Variants in SCN1A observed in about 807,000 individuals in gnomAD.
SCN1A encodes the protein sodium voltage-gated channel alpha subunit 1.
In SCN1A, 13 loss-of-function variants were observed where a neutral mutation model predicts 193.7. The observed-to-expected ratio is 0.07, with a 90% CI of 0.04 to 0.11. SCN1A has a LOEUF of 0.11. Among genes scored for constraint, SCN1A ranks in the 10% least tolerant of loss-of-function variants. The pLI, the probability that SCN1A is intolerant of heterozygous loss-of-function variation, is 1.00. For missense variants in SCN1A, 1,432 were observed against 2,451.1 expected (o/e 0.58, Z 8.78); for synonymous variants, 781 against 843.6 (o/e 0.93, Z 1.29).
chr2:166,136,743 TAG>T (rs1345376713), intron 1 of SCN1A, among the ~76,000 whole-genome samples: 1 of 152,142 alleles, frequency 6.6e-6, no homozygotes, highest in Non-Finnish European at 1.5e-5. Flanking sequence ...GAACTAGCAA[TAG>T]AGAGAGCCAA....
upstream of SCN1A, among the ~76,000 whole-genome samples, chr2:166,128,859 G>A (rs1282370643): frequency 6.6e-6 from 1 of 151,990 alleles, no homozygotes; most frequent in African/African-American, 2.4e-5. Flanking sequence ...AAAAATCCAT[G>A]CCAAACTAAT....
At chr2:166,014,213 T>C (rs1351473161) in intron 20 of SCN1A, among the ~76,000 whole-genome samples, 1 of 151,680 alleles carries the variant, frequency 6.6e-6, no homozygotes, top group African/African-American at 2.4e-5. Context: ...TTGCACTCTG[T>C]TGAAGTCACT....
chr2:166,117,724 C>T (rs1228274304), intron 2 of SCN1A, among the ~76,000 whole-genome samples: 1 of 152,108 alleles, frequency 6.6e-6, no homozygotes, highest in Admixed American at 6.5e-5. Flanking sequence ...TGGCCGGGCA[C>T]GGAGGTTCAT....
intron 2 of SCN1A, among the ~76,000 whole-genome samples, chr2:166,079,270 C>T (rs964547773): frequency 2.7e-5 from 4 of 150,898 alleles, no homozygotes; most frequent in South Asian, 2.1e-4. Context: ...AATTCCAATG[C>T]GGTATTGTTT....
Position 165,991,325 on chromosome 2 carries a change from G to T in SCN1A, c.5950C>A (p.Pro1984Thr). The change falls in exon 29 of 29, where the codon CCT (proline) becomes ACT (threonine). Residue 1984 changes from proline (P) to threonine (T), a missense_variant. Physicochemically the swap from Pro to Thr is conservative, Grantham distance 38 (BLOSUM62 -1). Around this residue, in one of 18 missense-constraint regions of SCN1A, gnomAD observed 148 missense variants for 160.3 expected, o/e 0.92. Transcript: ENST00000674923. ...DLTMSTAACP[P>T]SYDRVTKPIV... ...GGCTTTGTCACCCGGTCATAGGAAG[G>T]TGGACAAGCTGCAGTGGACATGGTC... 6.2e-7 allele frequency: 1 copy of T among 1,613,462 alleles called. No homozygotes were observed. Among genetic ancestry groups the T allele is most frequent in the Non-Finnish European group, 8.5e-7 (1 of 1,179,794 alleles).
upstream of SCN1A, among the ~76,000 whole-genome samples, chr2:166,132,272 C>A (rs1456769480): frequency 2.6e-5 from 4 of 152,064 alleles, no homozygotes; most frequent in Admixed American, 2.0e-4. Context: ...TGACTTTGCC[C>A]CCTTTTGATT....
intron 25 of SCN1A, among the ~76,000 whole-genome samples, chr2:165,999,516 T>C (rs1423592916): frequency 6.6e-6 from 1 of 151,700 alleles, no homozygotes; most frequent in Non-Finnish European, 1.5e-5. Context: ...TTTGTTACTT[T>C]GGTTTTCAAA....
chr2:166,018,394 TTA>T (rs1357350761), intron 19 of SCN1A, among the ~76,000 whole-genome samples: 2 of 152,024 alleles, frequency 1.3e-5, no homozygotes, highest in Non-Finnish European at 2.9e-5. Context: ...CCAAAAGACC[TTA>T]TGTTACTTTT....
intron 1 of SCN1A, among the ~76,000 whole-genome samples, chr2:166,134,116 C>G (rs1055085839): frequency 8.5e-5 from 13 of 152,110 alleles, no homozygotes; most frequent in African/African-American, 2.7e-4. Flanking sequence ...TTACATAAAT[C>G]ATTACCATTG....
chr2:166,106,004 G>A (rs1387195514), intron 2 of SCN1A, among the ~76,000 whole-genome samples: 3 of 152,214 alleles, frequency 2.0e-5, no homozygotes, highest in Admixed American at 1.3e-4. Flanking sequence ...TGGCTAACAC[G>A]GTGAAAACCC....
At chr2:166,016,794 A>C (rs1007355512) in intron 19 of SCN1A, 8 of 151,882 alleles carry the variant, frequency 5.3e-5, no homozygotes, top group African/African-American at 1.7e-4. Context: ...TCTAAACTTC[A>C]GGCTTATGTA....
At chr2:166,113,577 C>T (rs905050419) in intron 2 of SCN1A, among the ~76,000 whole-genome samples, 3 of 81,224 alleles carry the variant, frequency 3.7e-5, no homozygotes, top group Non-Finnish European at 8.5e-5. Flanking sequence ...TATAAAATAA[C>T]AGGTGTGCTA....
chr2:165,996,090 C>T lies in SCN1A; in HGVS notation c.4504G>A (p.Glu1502Lys). 6.2e-7 allele frequency: 1 copy of T among 1,608,046 alleles called. No individual in the cohort carries two copies. Among genetic ancestry groups the T allele is most frequent in the Non-Finnish European group, 8.5e-7 (1 of 1,176,096 alleles). ...KFGGQDIFMTEEQKKYYNAMK... is the reference protein window; with the variant it reads ...KFGGQDIFMTKEQKKYYNAMK... Reference sequence around the variant, plus strand: ...GCATTATAGTATTTCTTCTGTTCTTCTGTCATAAAGATGTCTTGACCTCCA... The same window carrying T: ...GCATTATAGTATTTCTTCTGTTCTTTTGTCATAAAGATGTCTTGACCTCCA... Residue 1502 changes from glutamate (E) to lysine (K), a missense_variant, in exon 27 of 29, where the codon GAA becomes AAA. Physicochemically the swap from Glu to Lys is moderately conservative, Grantham distance 56. This residue lies in a region of SCN1A where 85 missense variants were observed against 119.1 expected (regional missense o/e 0.71). Coordinates refer to ENST00000674923, the MANE Select transcript of SCN1A (RefSeq NM_001165963.4).
In SCN1A at chr2:165,999,663, C is replaced by A. The variant is rs1023808753; in HGVS notation, c.4338+60G>T. The A allele has an allele frequency of 7.5e-6, 9 of 1,193,146 alleles. No homozygotes were observed. In the East Asian group the frequency reaches 2.1e-4, roughly 28 times the overall value. 73.9% of individuals were successfully genotyped at this position (1,193,146 alleles called of 1,614,324 possible). On this transcript the variant is annotated intron_variant, in intron 25 of 28. Transcript: ENST00000674923. Reference sequence around the variant, plus strand: ...TTCATTTGGTCGTTTATGCTTTATTCGATTAATTTTACCACCTGATCAATA... The same window carrying A: ...TTCATTTGGTCGTTTATGCTTTATTAGATTAATTTTACCACCTGATCAATA...
At position 166,044,625 on chromosome 2, in the gene SCN1A, G is replaced by A. The variant is rs185724489; in HGVS notation, c.1662+418C>T. The stretch of plus-strand genomic sequence containing the variant: ...TGTACCATGACTAATATTTTCAGAA[G>A]CATGCATGGTGACTTATAAAGAAGT... On this transcript the variant is annotated intron_variant, in intron 13 of 28. Transcript: ENST00000674923. Among the ~76,000 whole-genome samples, 277 of 152,144 alleles carry A rather than the reference G, an allele frequency of 1.8e-3. 2 individuals carry two copies. Among genetic ancestry groups the A allele is most frequent in the African/African-American group, 6.3e-3 (262 of 41,520 alleles).
Position 166,032,551 on chromosome 2 carries a change from G to T in SCN1A, c.3429+3497C>A, listed in dbSNP as rs1016563823. ...AATGAGGGCAAACAATATTGTGTGG[G>T]TTTATTTCTGACCAAGAAGAAAGGA... On this transcript the variant is annotated intron_variant, in intron 19 of 28. Coordinates refer to ENST00000674923, the MANE Select transcript of SCN1A (RefSeq NM_001165963.4). Among the ~76,000 whole-genome samples, 10 of 152,178 alleles carry T rather than the reference G, an allele frequency of 6.6e-5. 1 individual carries two copies. The South Asian group carries it at 1.9e-3, about 28-fold the overall frequency.
chr2:166,138,649 G>T (rs965676778), intron 1 of SCN1A, among the ~76,000 whole-genome samples: 3 of 152,188 alleles, frequency 2.0e-5, no homozygotes, highest in Non-Finnish European at 2.9e-5. Flanking sequence ...CAGGGGTGGG[G>T]CCCTCATGGA....
At chr2:166,107,308 G>A (rs1688800256) in intron 2 of SCN1A, among the ~76,000 whole-genome samples, 1 of 152,120 alleles carries the variant, frequency 6.6e-6, no homozygotes, top group African/African-American at 2.4e-5. Context: ...CACCTTGAGA[G>A]CAGCATTTAC....
intron 2 of SCN1A, among the ~76,000 whole-genome samples, chr2:166,099,616 T>G (rs1687807792): frequency 1.8e-5 from 1 of 54,328 alleles, no homozygotes; most frequent in Admixed American, 2.5e-4. Context: ...GAAAACCCCA[T>G]TGTCTCAGCC....
Sources: gnomAD v4.1 joint callset for allele counts (sites outside exome capture counted in the v4.1 genomes callset) on GRCh38, gnomAD v4.1.1 for gene constraint, gnomAD v4.1.1 regional missense constraint, MANE v1.5 for transcripts, NCBI Gene and HGNC (gene_info 2026-07-23, HGNC 2026-07-21) for gene names.